The following NFIB variants were observed in gnomAD, a reference collection of about 807,000 sequenced individuals.
NFIB encodes nuclear factor 1 B-type.
Under a neutral mutation model 61.5 loss-of-function variants are expected in NFIB, and 11 were observed. The ratio of observed to expected loss-of-function variants is 0.18; its 90% CI spans 0.11 to 0.30. NFIB has a LOEUF of 0.30. Ranked by LOEUF, NFIB falls within the 10% of genes least tolerant of loss-of-function variation. The pLI is 1.00. For missense variants in NFIB, 471 were observed against 608.9 expected (o/e 0.77, Z 2.38); for synonymous variants, 260 against 216.5 (o/e 1.20, Z -1.76).
the NFIB span, among the ~76,000 whole-genome samples, chr9:14,463,647 T>C: frequency 4.4e-5 from 6 of 136,804 alleles, no homozygotes; most frequent in Admixed American, 8.2e-5. Context: ...ATGACTGAAG[T>C]CATTTGATTT....
chr9:14,269,232 A>AG (rs1283283112), intron 2 of NFIB, among the ~76,000 whole-genome samples: 1 of 152,206 alleles, frequency 6.6e-6, no homozygotes, highest in Non-Finnish European at 1.5e-5. Context: ...GAAATGATTC[A>AG]GGGACTTTTA....
chr9:14,251,966 C>T (rs1563945683), intron 2 of NFIB, among the ~76,000 whole-genome samples: 1 of 152,182 alleles, frequency 6.6e-6, no homozygotes, highest in Non-Finnish European at 1.5e-5. Flanking sequence ...TCCACCTATG[C>T]CCACATTCTT....
At chr9:14,257,685 G>A (rs575577773) in intron 2 of NFIB, among the ~76,000 whole-genome samples, 3 of 152,282 alleles carry the variant, frequency 2.0e-5, no homozygotes, top group Admixed American at 2.0e-4. Flanking sequence ...GAACCCGGGG[G>A]ACAGAGGTTG....
At chr9:14,232,211 G>A (rs112255793) in intron 2 of NFIB, among the ~76,000 whole-genome samples, 358 of 152,290 alleles carry the variant, frequency 2.4e-3, no homozygotes, top group Non-Finnish European at 3.9e-3. Flanking sequence ...GCCATGGTGG[G>A]CAAGTCAATA....
intron 2 of NFIB, among the ~76,000 whole-genome samples, chr9:14,260,565 G>A: frequency 6.6e-6 from 1 of 152,104 alleles, no homozygotes; most frequent in Non-Finnish European, 1.5e-5. Context: ...CCTCCTCTAC[G>A]GTTTTGATTT....
At chr9:14,347,035 A>T (rs2061032578) in intron 1 of NFIB, among the ~76,000 whole-genome samples, 1 of 151,858 alleles carries the variant, frequency 6.6e-6, no homozygotes, top group Non-Finnish European at 1.5e-5. Context: ...GCGGCCAGGG[A>T]GCCCCTGGCC....
Position 14,083,972 on chromosome 9 carries a change from T to A in NFIB, c.*4337A>T, listed in dbSNP as rs1403187315. On this transcript the variant is annotated 3_prime_UTR_variant, in exon 11 of 11. Transcript: ENST00000380953. ...GCCGTATATACTAATAAAAAGACAGTGGTGCTTCGACATTCTGAAATGCTC... is the reference window on the plus strand; with the variant it reads ...GCCGTATATACTAATAAAAAGACAGAGGTGCTTCGACATTCTGAAATGCTC... 9.1e-6 allele frequency: 2 copies of A among 219,220 alleles called. No homozygotes were observed. Among genetic ancestry groups the A allele is most frequent in the Non-Finnish European group, 1.8e-5 (2 of 108,994 alleles). The allele number at this position is 219,220 out of a possible 1,614,324, so 13.6% of individuals were successfully genotyped here. A position where few individuals can be genotyped will look rare whatever the true frequency, so the allele number is the denominator to read the frequency against.
intron 3 of NFIB, among the ~76,000 whole-genome samples, chr9:14,162,383 T>A (rs1470551139): frequency 6.6e-6 from 1 of 152,128 alleles, no homozygotes; most frequent in African/African-American, 2.4e-5. Flanking sequence ...CTCCGGTTTT[T>A]TTCTAACAGC....
At chr9:14,169,344 T>C (rs548792407) in intron 3 of NFIB, among the ~76,000 whole-genome samples, 97 of 152,224 alleles carry the variant, frequency 6.4e-4, no homozygotes, top group Middle Eastern at 3.4e-3. Context: ...AAGATATGTC[T>C]AGTGGAATCA....
At chr9:14,467,084 A>G in the NFIB span, among the ~76,000 whole-genome samples, 15 of 152,148 alleles carry the variant, frequency 9.9e-5, no homozygotes, top group Admixed American at 4.6e-4. Flanking sequence ...CTCTAATGAG[A>G]GAGACTTCTA....
chr9:14,263,003 GT>G, intron 2 of NFIB, among the ~76,000 whole-genome samples: 1 of 152,238 alleles, frequency 6.6e-6, no homozygotes, highest in South Asian at 2.1e-4. Context: ...GTCTAAAACT[GT>G]GAAACACTAG....
At chr9:14,253,379 G>A (rs942146898) in intron 2 of NFIB, among the ~76,000 whole-genome samples, 2 of 152,180 alleles carry the variant, frequency 1.3e-5, no homozygotes, top group Non-Finnish European at 2.9e-5. Context: ...CACAGTTCTC[G>A]AGATGATTGT....
At chr9:14,494,740 G>T in the NFIB span, among the ~76,000 whole-genome samples, 2 of 152,130 alleles carry the variant, frequency 1.3e-5, no homozygotes. Flanking sequence ...TAGGCATAAA[G>T]ACTTATTGCA....
At chr9:14,112,927 T>G (rs1324358747) in intron 10 of NFIB, 72 bp downstream of exon 10, 2 of 1,441,940 alleles carry the variant, frequency 1.4e-6, no homozygotes, top group Admixed American at 4.1e-5. Context: ...AGTCCGGATC[T>G]GAGAGGCAAC....
intron 2 of NFIB, among the ~76,000 whole-genome samples, chr9:14,231,176 A>T (rs1377630296): frequency 1.4e-5 from 2 of 140,268 alleles, no homozygotes; most frequent in African/African-American, 5.3e-5. Flanking sequence ...ATTCGTTGAG[A>T]CATTTGTTTG....
At chr9:14,247,365 C>T (rs1313529865) in intron 2 of NFIB, among the ~76,000 whole-genome samples, 1 of 152,206 alleles carries the variant, frequency 6.6e-6, no homozygotes, top group Non-Finnish European at 1.5e-5. Flanking sequence ...GGAGGCCTTC[C>T]ATGCGCCATC....
chr9:14,428,003 G>A, the NFIB span, among the ~76,000 whole-genome samples: 13 of 117,480 alleles, frequency 1.1e-4, no homozygotes, highest in East Asian at 2.9e-4. Flanking sequence ...AGAATACAGC[G>A]GTGTGATCAC....
chr9:14,268,545 C>T (rs553256908), intron 2 of NFIB, among the ~76,000 whole-genome samples: 1 of 152,208 alleles, frequency 6.6e-6, no homozygotes. Context: ...TGCCTCACAT[C>T]CTCGTCTAAC....
chr9:14,198,521 CGTAT>C (rs1339662397), intron 2 of NFIB, among the ~76,000 whole-genome samples: 8 of 152,054 alleles, frequency 5.3e-5, no homozygotes, highest in Admixed American at 1.3e-4. Flanking sequence ...AACAGCTTGC[CGTAT>C]CATGACAATA....
Sources: allele counts gnomAD v4.1 joint callset (sites outside exome capture counted in the v4.1 genomes callset), GRCh38; gene constraint gnomAD v4.1.1; transcripts MANE v1.5; gene names NCBI Gene and HGNC (gene_info 2026-07-23, HGNC 2026-07-21).